Variants in PTPRD observed in about 807,000 individuals in gnomAD.
PTPRD encodes receptor-type tyrosine-protein phosphatase delta.
Under a neutral mutation model 214.5 loss-of-function variants are expected in PTPRD, and 34 were observed. The observed-to-expected ratio is 0.16, with a 90% CI of 0.12 to 0.21. The LOEUF is 0.21. PTPRD is among the 10% of genes least tolerant of loss of function. The probability of loss-of-function intolerance (pLI) is 1.00; values close to 1 mark genes in which losing one functional copy is unlikely to be tolerated. For synonymous variants in PTPRD, 1,128 were observed against 845.7 expected, an observed-to-expected ratio of 1.33 and a Z score of -5.79; for missense variants, 2,545 against 2,398.7, an observed-to-expected ratio of 1.06 and a Z score of -1.27.
intron 3 of PTPRD, among the ~76,000 whole-genome samples, chr9:10,257,301 C>T (rs1301700347): frequency 6.6e-6 from 1 of 152,182 alleles, no homozygotes; most frequent in Non-Finnish European, 1.5e-5. Flanking sequence ...CATTACTTTG[C>T]TTGCTCCACT....
chr9:9,160,174 G>A (rs1366735724), intron 10 of PTPRD, among the ~76,000 whole-genome samples: 1 of 152,036 alleles, frequency 6.6e-6, no homozygotes, highest in East Asian at 1.9e-4. Context: ...AGATAAAAAA[G>A]CAAAACATAG....
intron 3 of PTPRD, among the ~76,000 whole-genome samples, chr9:10,250,764 C>G (rs2092691644): frequency 6.6e-6 from 1 of 151,714 alleles, no homozygotes; most frequent in Admixed American, 6.6e-5. Context: ...AGGGAAGAAA[C>G]TGTTTATATG....
intron 5 of PTPRD, among the ~76,000 whole-genome samples, chr9:9,879,244 T>G (rs763705888): frequency 6.6e-5 from 10 of 152,204 alleles, no homozygotes. Flanking sequence ...GTATTAACAT[T>G]TGAGACAGAT....
chr9:9,906,915 C>A (rs1042470982), intron 5 of PTPRD, among the ~76,000 whole-genome samples: 1 of 151,960 alleles, frequency 6.6e-6, no homozygotes, highest in African/African-American at 2.4e-5. Context: ...TCTTAATTCA[C>A]TGCGTTTGTG....
At chr9:9,428,459 C>A (rs2081863805) in intron 8 of PTPRD, among the ~76,000 whole-genome samples, 1 of 152,132 alleles carries the variant, frequency 6.6e-6, no homozygotes, top group Non-Finnish European at 1.5e-5. Flanking sequence ...TAATCGGAGA[C>A]TTTAACATCC....
intron 3 of PTPRD, among the ~76,000 whole-genome samples, chr9:10,175,726 C>T (rs551944739): frequency 6.6e-6 from 1 of 151,914 alleles, no homozygotes; most frequent in South Asian, 2.1e-4. Flanking sequence ...TTCTTTAAAG[C>T]AAATCATTAA....
intron 12 of PTPRD, chr9:8,713,704 A>C (rs982015300): frequency 2.1e-5 from 32 of 1,513,172 alleles, no homozygotes; most frequent in Non-Finnish European, 2.8e-5. Flanking sequence ...GGTGGAAGAG[A>C]TCGCGGCCAG....
At chr9:8,666,790 C>T (rs550794140) in intron 12 of PTPRD, among the ~76,000 whole-genome samples, 14 of 152,194 alleles carry the variant, frequency 9.2e-5, no homozygotes, top group African/African-American at 2.9e-4. Flanking sequence ...ACATAACTGC[C>T]CCCTCGAGTG....
At chr9:10,601,931 G>T (rs1000402899) in intron 2 of PTPRD, among the ~76,000 whole-genome samples, 1 of 151,732 alleles carries the variant, frequency 6.6e-6, no homozygotes, top group Non-Finnish European at 1.5e-5. Context: ...AGGGAAGAAA[G>T]GAGCTGTCTC....
At chr9:8,608,506 C>T (rs139047667) in intron 14 of PTPRD, among the ~76,000 whole-genome samples, 2,724 of 152,166 alleles carry the variant, frequency 0.018, 37 homozygotes, top group Middle Eastern at 0.031. Flanking sequence ...CTGGTATATT[C>T]CAAGAGAGTC....
rs376086046 is a variant in PTPRD, at chr9:10,388,983, A to G, written c.-599-47966T>C. ...AAAGATTTAATCAAGAAAAATAATA[A>G]CTTCAATATAAGTATTATTATAAGA... is the stretch of plus-strand genomic sequence containing the variant. On this transcript the variant is annotated intron_variant, in intron 2 of 45. Transcript: ENST00000381196. Among the ~76,000 whole-genome samples the G allele has an allele frequency of 9.2e-5, 14 of 151,964 alleles. No individual in the cohort carries two copies. The South Asian group carries it at 1.0e-3, about 11-fold the overall frequency.
intron 3 of PTPRD, among the ~76,000 whole-genome samples, chr9:10,273,161 A>G (rs1343768766): frequency 2.6e-5 from 4 of 152,194 alleles, no homozygotes; most frequent in Admixed American, 2.0e-4. Context: ...TAATCCCACA[A>G]GGGAATATCA....
chr9:9,323,933 T>G (rs1349656245), intron 9 of PTPRD, among the ~76,000 whole-genome samples: 1 of 152,150 alleles, frequency 6.6e-6, no homozygotes, highest in Non-Finnish European at 1.5e-5. Context: ...AATGAGAACA[T>G]GGAGTGTTTG....
intron 14 of PTPRD, among the ~76,000 whole-genome samples, chr9:8,584,094 T>C (rs554258518): frequency 3.5e-4 from 54 of 152,240 alleles, no homozygotes; most frequent in African/African-American, 1.2e-3. Context: ...TTCGAGGCTG[T>C]AGTGAGCCAT....
intron 10 of PTPRD, among the ~76,000 whole-genome samples, chr9:9,065,959 G>C (rs987282602): frequency 6.6e-6 from 1 of 152,010 alleles, no homozygotes; most frequent in Non-Finnish European, 1.5e-5. Context: ...TGCATGTAAA[G>C]CATAACACCA....
chr9:10,415,409 A>C (rs977854667), intron 2 of PTPRD, among the ~76,000 whole-genome samples: 1 of 151,886 alleles, frequency 6.6e-6, no homozygotes, highest in African/African-American at 2.4e-5. Flanking sequence ...TTTATTATTC[A>C]ACAAGTTATG....
rs954167462 is a variant in PTPRD at position 9,091,172 on chromosome 9, G to A, written c.-142-72437C>T. On this transcript the variant is annotated intron_variant, in intron 10 of 45. Coordinates refer to ENST00000381196, the MANE Select transcript of PTPRD (RefSeq NM_002839.4). Reference sequence around the variant, plus strand: ...GTCAGGAATCGATCTCGTGAAGTCCGCAAGGACCGAACACCCCCACCCCGA... The same window carrying A: ...GTCAGGAATCGATCTCGTGAAGTCCACAAGGACCGAACACCCCCACCCCGA... The A allele has an allele frequency of 8.1e-5, 125 of 1,543,782 alleles. No individual in the cohort carries two copies. In the East Asian group the frequency reaches 1.7e-3, roughly 21 times the overall value.
chr9:10,608,745 T>G (rs1405046776), intron 2 of PTPRD, among the ~76,000 whole-genome samples: 1 of 152,166 alleles, frequency 6.6e-6, no homozygotes, highest in African/African-American at 2.4e-5. Flanking sequence ...ATCACATCAG[T>G]GTTCTCCTAA....
At chr9:10,580,232 T>C (rs889870050) in intron 2 of PTPRD, among the ~76,000 whole-genome samples, 1 of 152,192 alleles carries the variant, frequency 6.6e-6, no homozygotes, top group Non-Finnish European at 1.5e-5. Context: ...AGCAATAACA[T>C]TGGCATCACT....
Sources: gnomAD v4.1 joint callset for allele counts (sites outside exome capture counted in the v4.1 genomes callset) on GRCh38, gnomAD v4.1.1 for gene constraint, MANE v1.5 for transcripts, NCBI Gene and HGNC (gene_info 2026-07-23, HGNC 2026-07-21) for gene names.